The following PHTF2 variants were observed in gnomAD, a reference collection of about 807,000 sequenced individuals.
PHTF2 encodes the protein protein PHTF2.
A neutral mutation model predicts 101.2 loss-of-function variants in PHTF2; 60 were observed. The observed-to-expected ratio is 0.59, with a 90% CI of 0.48 to 0.73. The LOEUF (loss-of-function observed/expected upper bound fraction) is 0.73. PHTF2 is among the 30% of genes least tolerant of loss of function. The probability of loss-of-function intolerance (pLI) is 0.00; values close to 1 mark genes in which losing one functional copy is unlikely to be tolerated. For missense variants in PHTF2, 747 were observed against 908.7 expected (o/e 0.82, Z 2.29); for synonymous variants, 311 against 307.3 (o/e 1.01, Z -0.13).
chr7:77,837,100 G>C (rs1795536926), intron 1 of PHTF2, among the ~76,000 whole-genome samples: 1 of 152,200 alleles, frequency 6.6e-6, no homozygotes. Context: ...ATGGTTTTAG[G>C]ATTGGATTAT....
At chr7:77,833,606 G>A in intron 1 of PHTF2, among the ~76,000 whole-genome samples, 1 of 152,084 alleles carries the variant, frequency 6.6e-6, no homozygotes, top group East Asian at 1.9e-4. Context: ...CTCTACAAAA[G>A]ATTTAAAAAA....
chr7:77,835,274 C>CAA (rs11412821), intron 1 of PHTF2, among the ~76,000 whole-genome samples: 113 of 82,198 alleles, frequency 1.4e-3, no homozygotes, highest in African/African-American at 2.5e-3. Flanking sequence ...AACTCCGTCT[C>CAA]AAAAAAAAAA....
Position 77,927,199 on chromosome 7 carries a change from T to TATATATATATAC in PHTF2, c.1120-1909_1120-1908insTATATATATACA, listed in dbSNP as rs1554388893. ...AAAAATATATATATATATATATACATACACACACACACACACACACACACA... is the reference window on the plus strand; with the variant it reads ...AAAAATATATATATATATATATACATATATATATATACACACACACACACACACACACACACA... On this transcript the variant is annotated intron_variant, in intron 11 of 19. Transcript: ENST00000416283. Among the ~76,000 whole-genome samples the TATATATATATAC allele has an allele frequency of 6.3e-4, 68 of 108,516 alleles. 1 individual carries two copies. The highest frequency in any genetic ancestry group is 5.2e-3 in the Middle Eastern group (1 of 192). The allele number at this position is 108,516 out of a possible 152,430, so 71.2% of individuals were successfully genotyped here. A position where few individuals can be genotyped will look rare whatever the true frequency, so the allele number is the denominator to read the frequency against.
At position 77,832,728 on chromosome 7, in the gene PHTF2, G is replaced by C. The variant is rs1005722032; in HGVS notation, c.-35-7493G>C. The stretch of plus-strand genomic sequence containing the variant: ...ACTGTCTTCCATCATCCCCAGATGG[G>C]ACCATCTAGTTGCAGGAAAACAAGC... On this transcript the variant is annotated intron_variant, in intron 1 of 19. Coordinates refer to ENST00000416283, the Ensembl canonical transcript of PHTF2. Among the ~76,000 whole-genome samples the C allele has an allele frequency of 2.6e-5, 4 of 152,028 alleles. No homozygotes were observed. The East Asian group carries it at 7.7e-4, about 29-fold the overall frequency.
rs562329088 is a variant in PHTF2 at position 77,823,852 on chromosome 7, G to C, written c.-35-16369G>C. On this transcript the variant is annotated intron_variant, in intron 1 of 19. Transcript: ENST00000416283. ...GAAATAATAAATCTATGGTCAAATT[G>C]TAAAAGAAGGGTTTTGAATACAGTG... Among the ~76,000 whole-genome samples the C allele has an allele frequency of 2.0e-5, 3 of 152,298 alleles. No homozygotes were observed. The South Asian group carries it at 6.2e-4, about 32-fold the overall frequency.
intron 5 of PHTF2, among the ~76,000 whole-genome samples, chr7:77,896,235 T>G (rs2150810725): frequency 6.6e-6 from 1 of 152,298 alleles, no homozygotes; most frequent in Non-Finnish European, 1.5e-5. Context: ...TCAGAGCTTT[T>G]GGGGTATCCA....
chr7:77,885,491 C>A lies in PHTF2; in HGVS notation c.148-8117C>A, dbSNP rs181407354. Among the ~76,000 whole-genome samples, 48 of 152,202 alleles carry A rather than the reference C, an allele frequency of 3.2e-4. No individual in the cohort carries two copies. In the East Asian group the frequency reaches 8.5e-3, roughly 27 times the overall value. Reference sequence around the variant, plus strand: ...ATGGAGTCTTGCTCTGTCACCCAGGCTAGAGTGCGGTGGTGGGATCTTGGC... The same window carrying A: ...ATGGAGTCTTGCTCTGTCACCCAGGATAGAGTGCGGTGGTGGGATCTTGGC... On this transcript the variant is annotated intron_variant, in intron 3 of 19. Transcript: ENST00000416283.
At chr7:77,873,006 T>A (rs1798644481) in intron 3 of PHTF2, among the ~76,000 whole-genome samples, 1 of 152,148 alleles carries the variant, frequency 6.6e-6, no homozygotes, top group Non-Finnish European at 1.5e-5. Flanking sequence ...CTCAGCTCAC[T>A]GCAACCTCTG....
At chr7:77,887,582 A>C (rs1214088581) in intron 3 of PHTF2, among the ~76,000 whole-genome samples, 1 of 152,216 alleles carries the variant, frequency 6.6e-6, no homozygotes, top group African/African-American at 2.4e-5. Context: ...AGGAATGGTG[A>C]TGGTCACAGT....
rs528420260 is a variant in PHTF2 at position 77,895,935 on chromosome 7, A to G, written c.216+1942A>G. On this transcript the variant is annotated intron_variant, in intron 5 of 19. Coordinates refer to ENST00000416283, the Ensembl canonical transcript of PHTF2. ...TCGTTCACAGACAGTTATAGATCAGATGAAGTCCTTGTTTCACTCTTTCCT... is the reference window on the plus strand; with the variant it reads ...TCGTTCACAGACAGTTATAGATCAGGTGAAGTCCTTGTTTCACTCTTTCCT... 9.8e-5 allele frequency: 15 copies of G among 152,294 alleles called. No homozygotes were observed. In the South Asian group the frequency reaches 2.9e-3, roughly 29 times the overall value. 9.4% of individuals were successfully genotyped at this position (152,294 alleles called of 1,614,324 possible).
chr7:77,921,581 C>G (rs997913777), intron 10 of PHTF2, among the ~76,000 whole-genome samples: 4 of 152,182 alleles, frequency 2.6e-5, no homozygotes, highest in African/African-American at 9.7e-5. Context: ...AGAGCATGGG[C>G]CTGCAATGAA....
intron 1 of PHTF2, among the ~76,000 whole-genome samples, chr7:77,826,717 G>A (rs1183504401): frequency 6.6e-6 from 1 of 152,184 alleles, no homozygotes; most frequent in Non-Finnish European, 1.5e-5. Context: ...GGGCAACAGG[G>A]TGCCAGCACA....
intron 7 of PHTF2, among the ~76,000 whole-genome samples, chr7:77,906,006 G>A (rs575042231): frequency 1.3e-5 from 2 of 149,176 alleles, no homozygotes; most frequent in South Asian, 2.2e-4. Context: ...TTTTTGAGAC[G>A]GAGTCTCGCT....
At chr7:77,819,579 A>C (rs534408311) in intron 1 of PHTF2, among the ~76,000 whole-genome samples, 3 of 152,274 alleles carry the variant, frequency 2.0e-5, no homozygotes, top group African/African-American at 7.2e-5. Flanking sequence ...TCCTCAGATA[A>C]ATTCCCCTGA....
chr7:77,814,596 C>G (rs923222985), intron 1 of PHTF2, among the ~76,000 whole-genome samples: 1 of 150,658 alleles, frequency 6.6e-6, no homozygotes. Flanking sequence ...ATTGCAACTT[C>G]TAACTCCCTG....
At chr7:77,905,826 G>A (rs1801803695) in intron 7 of PHTF2, among the ~76,000 whole-genome samples, 1 of 152,116 alleles carries the variant, frequency 6.6e-6, no homozygotes, top group Non-Finnish European at 1.5e-5. Flanking sequence ...TGCCCAGTAC[G>A]TGAAGTCCTG....
chr7:77,815,954 A>G (rs754177694), intron 1 of PHTF2, among the ~76,000 whole-genome samples: 4 of 151,796 alleles, frequency 2.6e-5, no homozygotes, highest in Non-Finnish European at 5.9e-5. Context: ...GTTCTCATGT[A>G]TGTATGCGTT....
chr7:77,818,693 T>C (rs190463506), intron 1 of PHTF2, among the ~76,000 whole-genome samples: 4 of 152,358 alleles, frequency 2.6e-5, no homozygotes, highest in Admixed American at 1.3e-4. Flanking sequence ...GGTGGTGTGA[T>C]GCCTCCTCTT....
intron 15 of PHTF2, among the ~76,000 whole-genome samples, chr7:77,941,726 CCATCAAT>C (rs1805655261): frequency 1.3e-5 from 2 of 152,182 alleles, no homozygotes; most frequent in African/African-American, 4.8e-5. Context: ...CTCATTGAAA[CCATCAAT>C]CATCTTCTAC....
Sources: gnomAD v4.1 joint callset for allele counts (sites outside exome capture counted in the v4.1 genomes callset) on GRCh38, gnomAD v4.1.1 for gene constraint, MANE v1.5 for transcripts, NCBI Gene and HGNC (gene_info 2026-07-23, HGNC 2026-07-21) for gene names.